The following LRRC20 variants were observed in gnomAD, a reference collection of about 807,000 sequenced individuals.
The protein encoded by LRRC20 is leucine-rich repeat-containing protein 20.
In LRRC20, 11 loss-of-function variants were observed where a neutral mutation model predicts 14.4. That is an observed-to-expected ratio of 0.77 (90% CI 0.48 to 1.27). The LOEUF is 1.27. LRRC20 is among the 50% of genes most tolerant of loss of function. The pLI is 0.00. For synonymous variants in LRRC20, 121 were observed against 107.3 expected (o/e 1.13, Z -0.79); for missense variants, 219 against 251.2 (o/e 0.87, Z 0.87).
chr10:70,310,796 C>T (rs1240422704), intron 4 of LRRC20, among the ~76,000 whole-genome samples: 1 of 152,214 alleles, frequency 6.6e-6, no homozygotes, highest in Non-Finnish European at 1.5e-5. Flanking sequence ...CTGGCCTCAC[C>T]CATTCTGTGC....
intron 2 of LRRC20, among the ~76,000 whole-genome samples, chr10:70,343,345 G>C (rs138097271): frequency 2.0e-5 from 3 of 152,298 alleles, no homozygotes; most frequent in Non-Finnish European, 2.9e-5. Flanking sequence ...TGTGGTTTTG[G>C]GGGGGAAAAG....
At chr10:70,382,261 T>C (rs550195942) in intron 1 of LRRC20, among the ~76,000 whole-genome samples, 1 of 152,314 alleles carries the variant, frequency 6.6e-6, no homozygotes, top group African/African-American at 2.4e-5. Context: ...CCGAGCTCCC[T>C]ATTCCCTGGC....
chr10:70,378,472 G>A (rs538731314), intron 1 of LRRC20, among the ~76,000 whole-genome samples: 3 of 142,886 alleles, frequency 2.1e-5, no homozygotes, highest in East Asian at 2.0e-4. Flanking sequence ...GTAAAACTCC[G>A]TCTCTACTAA....
chr10:70,308,292 TGGGA>T (rs548120931), intron 4 of LRRC20, among the ~76,000 whole-genome samples: 139 of 150,070 alleles, frequency 9.3e-4, no homozygotes, highest in Middle Eastern at 3.4e-3. Context: ...CCAGGCTCAG[TGGGA>T]GGAAGTAATT....
At chr10:70,327,083 G>T (rs1043579907) in intron 3 of LRRC20, among the ~76,000 whole-genome samples, 1 of 152,352 alleles carries the variant, frequency 6.6e-6, no homozygotes, top group East Asian at 1.9e-4. Flanking sequence ...CCAAGAGCCT[G>T]TTGGGAGCTT....
At chr10:70,331,560 C>T (rs1337078399) in intron 3 of LRRC20, among the ~76,000 whole-genome samples, 7 of 152,216 alleles carry the variant, frequency 4.6e-5, no homozygotes, top group African/African-American at 1.7e-4. Context: ...TCTGGAGTCA[C>T]AGCACCCAGG....
chr10:70,369,269 C>A (rs1844165715), intron 2 of LRRC20, among the ~76,000 whole-genome samples: 1 of 152,044 alleles, frequency 6.6e-6, no homozygotes, highest in African/African-American at 2.4e-5. Context: ...TTCTCTCAGC[C>A]CTCCTCCTCA....
At chr10:70,349,081 G>C (rs1843186956) in intron 2 of LRRC20, among the ~76,000 whole-genome samples, 1 of 152,230 alleles carries the variant, frequency 6.6e-6, no homozygotes, top group South Asian at 2.1e-4. Flanking sequence ...GGTCCTCAAA[G>C]AGCTGTGGGA....
chr10:70,320,472 CTGACT>C (rs753582919), intron 4 of LRRC20, among the ~76,000 whole-genome samples: 93 of 152,342 alleles, frequency 6.1e-4, no homozygotes, highest in African/African-American at 9.9e-4. Context: ...TCTCAACCCA[CTGACT>C]TGACTTAACA....
chr10:70,358,562 G>A (rs749219389), intron 2 of LRRC20, among the ~76,000 whole-genome samples: 2 of 152,144 alleles, frequency 1.3e-5, no homozygotes, highest in Non-Finnish European at 2.9e-5. Flanking sequence ...AACAAATGTC[G>A]CCAACCAGTG....
At chr10:70,327,852 C>G (rs1186949465) in intron 3 of LRRC20, among the ~76,000 whole-genome samples, 1 of 152,216 alleles carries the variant, frequency 6.6e-6, no homozygotes, top group African/African-American at 2.4e-5. Flanking sequence ...CTCCTCATCT[C>G]GTCCATCACT....
At chr10:70,318,367 T>C (rs80150446) in intron 4 of LRRC20, among the ~76,000 whole-genome samples, 147 of 152,270 alleles carry the variant, frequency 9.7e-4, no homozygotes, top group African/African-American at 3.4e-3. Context: ...CTTTGAGAAA[T>C]ATCGGCTGGG....
At chr10:70,317,547 T>A (rs967322197) in intron 4 of LRRC20, among the ~76,000 whole-genome samples, 3 of 152,286 alleles carry the variant, frequency 2.0e-5, no homozygotes, top group South Asian at 2.1e-4. Context: ...AATGTTTTTT[T>A]AAAAATTTTT....
chr10:70,360,794 T>C (rs1398946206), intron 2 of LRRC20, among the ~76,000 whole-genome samples: 6 of 152,134 alleles, frequency 3.9e-5, no homozygotes, highest in African/African-American at 1.4e-4. Context: ...GTGTCTCACA[T>C]GAAAGTTGTC....
chr10:70,362,285 C>T (rs1249691615), intron 2 of LRRC20, among the ~76,000 whole-genome samples: 2 of 152,214 alleles, frequency 1.3e-5, no homozygotes, highest in African/African-American at 4.8e-5. Flanking sequence ...ACAGTATGTG[C>T]AAAGGCCTGT....
chr10:70,334,594 C>T (rs1272268378), intron 3 of LRRC20, among the ~76,000 whole-genome samples: 1 of 152,150 alleles, frequency 6.6e-6, no homozygotes, highest in Non-Finnish European at 1.5e-5. Context: ...CACACGTGGA[C>T]AGCAGCAGCT....
rs546147195 is a variant in LRRC20, at chr10:70,308,987, A to G, written c.401-7479T>C. On this transcript the variant is annotated intron_variant, in intron 4 of 4. Transcript: ENST00000446961. The stretch of plus-strand genomic sequence containing the variant: ...GGTAGTTCTTGAGTCTCTTCTTTCA[A>G]GCAGGGCCCCCATTTTCCCTATTAA... 2.6e-5 allele frequency among the ~76,000 whole-genome samples: 4 copies of G among 152,276 alleles called. No homozygotes were observed. The East Asian group carries it at 7.7e-4, about 29-fold the overall frequency.
chr10:70,307,793 G>A (rs1841481809), intron 4 of LRRC20, among the ~76,000 whole-genome samples: 1 of 152,242 alleles, frequency 6.6e-6, no homozygotes, highest in Non-Finnish European at 1.5e-5. Context: ...CTGCACCTGA[G>A]CTTTCTCATC....
intron 2 of LRRC20, among the ~76,000 whole-genome samples, chr10:70,349,470 C>T (rs571740022): frequency 2.0e-5 from 3 of 152,188 alleles, no homozygotes; most frequent in Admixed American, 6.5e-5. Flanking sequence ...CCCAGCTACT[C>T]AGGAGGCTGA....
Sources: gnomAD v4.1 joint callset for allele counts (sites outside exome capture counted in the v4.1 genomes callset) on GRCh38, gnomAD v4.1.1 for gene constraint, MANE v1.5 for transcripts, NCBI Gene and HGNC (gene_info 2026-07-23, HGNC 2026-07-21) for gene names.